CTBS: variants seen among roughly 807,000 people sequenced by gnomAD.
CTBS encodes the protein di-N-acetylchitobiase.
In CTBS, 35 loss-of-function variants were observed where a neutral mutation model predicts 44.3. That is an observed-to-expected ratio of 0.79 (90% CI 0.60 to 1.05). The LOEUF is 1.05. Ranked by LOEUF, CTBS falls within the 50% of genes least tolerant of loss-of-function variation. The pLI, the probability that CTBS is intolerant of heterozygous loss-of-function variation, is 0.00. For synonymous variants in CTBS, 143 were observed against 168.0 expected (o/e 0.85, Z 1.15); for missense variants, 458 against 475.3 (o/e 0.96, Z 0.34).
At chr1:84,573,325 G>A (rs1411283371) in intron 1 of CTBS, among the ~76,000 whole-genome samples, 2 of 152,206 alleles carry the variant, frequency 1.3e-5, no homozygotes, top group Non-Finnish European at 2.9e-5. Context: ...ACCCCTTCTG[G>A]TTTAAGTACT....
intron 1 of CTBS, chr1:84,573,911 C>A: frequency 8.1e-7 from 1 of 1,229,456 alleles, no homozygotes; most frequent in African/African-American, 1.6e-5. Context: ...AATGGATTAT[C>A]CTACCTTGTT....
Position 84,570,097 on chromosome 1 carries a change from G to T in CTBS, c.359C>A (p.Ala120Glu). ...LKDIIDPAFR[A>E]SWIAQKLNLA... ...ATTAAGTTTTTGAGCTATCCAGGAT[G>T]CTCTGAAAGCAGGATCAATGATATC... is the stretch of plus-strand genomic sequence containing the variant. Residue 120 changes from alanine (A) to glutamate (E), a missense_variant, in exon 3 of 7, where the codon GCA (alanine) becomes GAA (glutamate). Physicochemically the swap from Ala to Glu is moderately radical, Grantham distance 107. Transcript: ENST00000370630. 1 of 1,613,408 alleles carries T rather than the reference G, an allele frequency of 6.2e-7. No homozygotes were observed. Among genetic ancestry groups the T allele is most frequent in the South Asian group, 1.1e-5 (1 of 91,024 alleles).
intron 6 of CTBS, among the ~76,000 whole-genome samples, chr1:84,555,402 A>G (rs1038509003): frequency 2.0e-5 from 3 of 152,254 alleles, no homozygotes; most frequent in Non-Finnish European, 4.4e-5. Context: ...TATATTTGAT[A>G]CAAATGGTCC....
intron 1 of CTBS, among the ~76,000 whole-genome samples, chr1:84,573,727 A>C (rs1178728002): frequency 2.0e-5 from 3 of 152,218 alleles, no homozygotes; most frequent in Non-Finnish European, 2.9e-5. Flanking sequence ...AGATAGAAGG[A>C]AAATGTACTG....
Position 84,551,076 on chromosome 1 carries a change from C to T in CTBS, c.*3923G>A. ...TGCTTAGTAGAGGCTTCTGGGCATGCTCTATTTGGTGAGAATTGTGTACAA... is the reference window on the plus strand; with the variant it reads ...TGCTTAGTAGAGGCTTCTGGGCATGTTCTATTTGGTGAGAATTGTGTACAA... On this transcript the variant is annotated 3_prime_UTR_variant, in exon 7 of 7. Transcript: ENST00000370630. The T allele has an allele frequency of 1.0e-6, 1 of 985,244 alleles. No homozygotes were observed. The highest frequency in any genetic ancestry group is 1.2e-6 in the Non-Finnish European group (1 of 829,856). 61.0% of individuals were successfully genotyped at this position (985,244 alleles called of 1,614,324 possible).
At chr1:84,557,878 G>C (rs1161915264) in intron 6 of CTBS, among the ~76,000 whole-genome samples, 1 of 150,946 alleles carries the variant, frequency 6.6e-6, no homozygotes, top group Non-Finnish European at 1.5e-5. Flanking sequence ...AAAAGAGGAA[G>C]GAAACAGTTA....
intron 1 of CTBS, among the ~76,000 whole-genome samples, chr1:84,572,227 A>T (rs1243771291): frequency 1.3e-5 from 2 of 151,868 alleles, no homozygotes; most frequent in Non-Finnish European, 2.9e-5. Flanking sequence ...AATTTTTTTT[A>T]ATTTTTTTTA....
chr1:84,573,831 C>A, intron 1 of CTBS: 1 of 992,046 alleles, frequency 1.0e-6, no homozygotes, highest in Non-Finnish European at 1.2e-6. Flanking sequence ...AAGCAAAATA[C>A]TCTGCATTCT....
chr1:84,562,514 T>C (rs1182622352), intron 6 of CTBS, among the ~76,000 whole-genome samples: 2 of 152,218 alleles, frequency 1.3e-5, no homozygotes, highest in Non-Finnish European at 2.9e-5. Context: ...TTGCTGAACT[T>C]CACTTATATC....
intron 4 of CTBS, 102 bp from the exon 5 acceptor site, chr1:84,563,934 C>T: frequency 1.5e-6 from 2 of 1,320,290 alleles, no homozygotes; most frequent in Non-Finnish European, 2.0e-6. Flanking sequence ...AAAACAAGTA[C>T]ATTTATAAAA....
At chr1:84,571,751 G>A (rs1647305500) in intron 1 of CTBS, among the ~76,000 whole-genome samples, 1 of 152,144 alleles carries the variant, frequency 6.6e-6, no homozygotes, top group African/African-American at 2.4e-5. Flanking sequence ...GGTTACAGGG[G>A]GCCACGCCAG....
chr1:84,567,249 CAAAAT>C (rs1409361566), intron 3 of CTBS, among the ~76,000 whole-genome samples: 2 of 152,102 alleles, frequency 1.3e-5, no homozygotes, highest in Non-Finnish European at 1.5e-5. Flanking sequence ...AGTTTTCCAA[CAAAAT>C]AAGTTATGAA....
chr1:84,564,665 T>C lies in CTBS; in HGVS notation c.698-833A>G, dbSNP rs1684658037. On this transcript the variant is annotated intron_variant, in intron 4 of 6. Coordinates refer to ENST00000370630, the MANE Select transcript of CTBS (RefSeq NM_004388.3). ...GAACCTTTTATTGATAGAACATAAT[T>C]ATAATGTCTTGCCTGAAACACAGTT... is the stretch of plus-strand genomic sequence containing the variant. Among the ~76,000 whole-genome samples, 2 of 152,152 alleles carry C rather than the reference T, an allele frequency of 1.3e-5. 1 individual carries two copies. Among genetic ancestry groups the C allele is most frequent in the South Asian group, 4.1e-4 (2 of 4,832 alleles).
chr1:84,559,043 C>T (rs944829397), intron 6 of CTBS, among the ~76,000 whole-genome samples: 3 of 152,162 alleles, frequency 2.0e-5, no homozygotes, highest in South Asian at 2.1e-4. Context: ...TTTTAAATTA[C>T]AGGCATACCT....
chr1:84,574,368 CG>C lies in CTBS; in HGVS notation c.47del (p.Pro16ArgfsTer7). ...LRRWRLVSSPPSGVPGLALLA... is the reference protein window; with the variant it reads ...LRRWRLVSSPXSGVPGLALLA... ...GCAGCGCTAGACCCGGGACGCCGCTCGGCGGGCTAGAGACGAGGCGCCAGCG... is the reference window on the plus strand; with the variant it reads ...GCAGCGCTAGACCCGGGACGCCGCTCGCGGGCTAGAGACGAGGCGCCAGCG... On this transcript the variant is annotated frameshift_variant, in exon 1 of 7. Transcript: ENST00000370630. LOFTEE classifies it high-confidence loss of function. The C allele has an allele frequency of 6.4e-7, 1 of 1,567,876 alleles. No homozygotes were observed. Among genetic ancestry groups the C allele is most frequent in the Non-Finnish European group, 8.6e-7 (1 of 1,157,074 alleles).
At position 84,551,825 on chromosome 1, in the gene CTBS, C is replaced by A. The variant is rs369906569; in HGVS notation, c.*3174G>T. The stretch of plus-strand genomic sequence containing the variant: ...TAAAGCCAATATGTAAACTTGTACA[C>A]TTAATAATTGGGTAGGTAGGAAGGA... On this transcript the variant is annotated 3_prime_UTR_variant, in exon 7 of 7. Coordinates refer to ENST00000370630, the MANE Select transcript of CTBS (RefSeq NM_004388.3). 7 of 152,124 alleles carry A rather than the reference C, an allele frequency of 4.6e-5. No individual in the cohort carries two copies. In the East Asian group the frequency reaches 1.2e-3, roughly 25 times the overall value. 9.4% of individuals were successfully genotyped at this position (152,124 alleles called of 1,614,324 possible).
At chr1:84,556,488 A>G (rs1684433901) in intron 6 of CTBS, among the ~76,000 whole-genome samples, 2 of 151,956 alleles carry the variant, frequency 1.3e-5, no homozygotes, top group Admixed American at 1.3e-4. Context: ...CGAGGCAGGC[A>G]GATCATGAGG....
At chr1:84,571,316 A>C (rs1647293900) in intron 1 of CTBS, among the ~76,000 whole-genome samples, 1 of 152,226 alleles carries the variant, frequency 6.6e-6, no homozygotes. Context: ...CAGATCTGGA[A>C]GATCCTAAGG....
intron 3 of CTBS, among the ~76,000 whole-genome samples, chr1:84,567,249 C>A (rs897410045): frequency 6.6e-6 from 1 of 152,102 alleles, no homozygotes; most frequent in Non-Finnish European, 1.5e-5. Context: ...AGTTTTCCAA[C>A]AAAATAAGTT....
Sources: allele counts gnomAD v4.1 joint callset (sites outside exome capture counted in the v4.1 genomes callset), GRCh38; gene constraint gnomAD v4.1.1; transcripts MANE v1.5; gene names NCBI Gene and HGNC (gene_info 2026-07-23, HGNC 2026-07-21).